DLG2: variants seen among roughly 807,000 people sequenced by gnomAD.
DLG2 encodes discs large MAGUK scaffold protein 2, also known as disks large homolog 2.
Under a neutral mutation model 132.5 loss-of-function variants are expected in DLG2, and 45 were observed. The ratio of observed to expected loss-of-function variants is 0.34; its 90% CI spans 0.27 to 0.44. DLG2 has a LOEUF of 0.44. Among genes scored for constraint, DLG2 ranks in the 20% least tolerant of loss-of-function variants. The pLI is 1.00. For missense variants in DLG2, 1,045 were observed against 1,196.9 expected (o/e 0.87, Z 1.87); for synonymous variants, 424 against 419.6 (o/e 1.01, Z -0.13).
chr11:84,111,914 T>A (rs1208939037), intron 9 of DLG2, among the ~76,000 whole-genome samples: 1 of 152,242 alleles, frequency 6.6e-6, no homozygotes, highest in Non-Finnish European at 1.5e-5. Context: ...TTCATCCTTT[T>A]ATTTCTATTT....
chr11:83,920,504 A>C (rs1000958660), intron 15 of DLG2, among the ~76,000 whole-genome samples: 1 of 152,096 alleles, frequency 6.6e-6, no homozygotes, highest in African/African-American at 2.4e-5. Context: ...CACTGGACTC[A>C]CTATTAAGTT....
chr11:84,418,319 T>G lies in DLG2; in HGVS notation c.519+116251A>C, dbSNP rs566606772. Among the ~76,000 whole-genome samples the G allele has an allele frequency of 5.3e-5, 8 of 152,290 alleles. No homozygotes were observed. In the South Asian group the frequency reaches 1.7e-3, roughly 32 times the overall value. On this transcript the variant is annotated intron_variant, in intron 7 of 27. Coordinates refer to ENST00000376104, the MANE Select transcript of DLG2 (RefSeq NM_001142699.3). ...ACACATAGGGGCTGAAAAGTCCCAA[T>G]GTGAAGTGACAGTGGAAAAGATGAT... is the stretch of plus-strand genomic sequence containing the variant.
intron 7 of DLG2, among the ~76,000 whole-genome samples, chr11:84,493,158 T>C (rs1028166851): frequency 6.6e-6 from 1 of 151,988 alleles, no homozygotes; most frequent in Admixed American, 6.6e-5. Flanking sequence ...CTTGGGGACA[T>C]GGTGTGATGG....
chr11:85,205,259 G>A (rs1302970065), intron 4 of DLG2, among the ~76,000 whole-genome samples: 1 of 151,288 alleles, frequency 6.6e-6, no homozygotes, highest in African/African-American at 2.4e-5. Context: ...GGAGGTCAGT[G>A]TGCTAAGTGA....
chr11:84,143,516 T>C (rs1008959429), intron 9 of DLG2, among the ~76,000 whole-genome samples: 1 of 152,218 alleles, frequency 6.6e-6, no homozygotes, highest in Admixed American at 6.5e-5. Context: ...AAACAGGTTT[T>C]AATGCCTATT....
chr11:84,648,096 C>G (rs574700812), intron 6 of DLG2, among the ~76,000 whole-genome samples: 1 of 152,164 alleles, frequency 6.6e-6, no homozygotes, highest in Non-Finnish European at 1.5e-5. Flanking sequence ...AGATTATGAA[C>G]AAGATCTTAC....
chr11:85,212,691 T>C (rs1403743297), intron 4 of DLG2, among the ~76,000 whole-genome samples: 4 of 152,118 alleles, frequency 2.6e-5, no homozygotes, highest in Non-Finnish European at 5.9e-5. Context: ...ACTATCTCCT[T>C]ATTTTCCCTC....
intron 8 of DLG2, among the ~76,000 whole-genome samples, chr11:84,181,315 T>C (rs1164666793): frequency 6.6e-6 from 1 of 151,826 alleles, no homozygotes; most frequent in Non-Finnish European, 1.5e-5. Flanking sequence ...GTAGTGCAAA[T>C]TCTATGGCAA....
intron 15 of DLG2, among the ~76,000 whole-genome samples, chr11:83,894,469 T>C (rs772076721): frequency 1.2e-4 from 19 of 152,208 alleles, no homozygotes; most frequent in Non-Finnish European, 2.4e-4. Context: ...AAGATTTTGT[T>C]TGCCCTAAAA....
intron 19 of DLG2, among the ~76,000 whole-genome samples, chr11:83,622,298 G>T (rs1380666122): frequency 1.3e-5 from 2 of 152,200 alleles, no homozygotes; most frequent in East Asian, 3.9e-4. Context: ...TATGTAGCAG[G>T]TCCTGGGCAA....
intron 6 of DLG2, among the ~76,000 whole-genome samples, chr11:84,743,576 A>T (rs1022812613): frequency 6.6e-6 from 1 of 152,194 alleles, no homozygotes; most frequent in African/African-American, 2.4e-5. Context: ...ACAAAGAGTC[A>T]TGTAAGCTGG....
chr11:85,524,540 T>A (rs2074591053), intron 3 of DLG2, among the ~76,000 whole-genome samples: 1 of 152,150 alleles, frequency 6.6e-6, no homozygotes, highest in South Asian at 2.1e-4. Flanking sequence ...TTGACCAGGG[T>A]GGAATGCAGT....
At chr11:85,124,448 A>T (rs1268937052) in intron 5 of DLG2, among the ~76,000 whole-genome samples, 2 of 152,210 alleles carry the variant, frequency 1.3e-5, no homozygotes, top group Admixed American at 6.5e-5. Context: ...CAAATATATA[A>T]ACTAATTTGA....
chr11:84,534,919 G>A (rs562724960), intron 6 of DLG2, 188 bp from the exon 7 acceptor site: 1 of 728,332 alleles, frequency 1.4e-6, no homozygotes, highest in East Asian at 2.5e-5. Context: ...GCAGAACTGA[G>A]TTAACCACGA....
chr11:84,952,797 T>C (rs1236159618), intron 6 of DLG2, among the ~76,000 whole-genome samples: 2 of 152,302 alleles, frequency 1.3e-5, no homozygotes, highest in Non-Finnish European at 2.9e-5. Context: ...ACATTGAGGG[T>C]TGTAAAATCT....
At chr11:85,403,626 T>TAA (rs1209876314) in intron 3 of DLG2, among the ~76,000 whole-genome samples, 1 of 151,934 alleles carries the variant, frequency 6.6e-6, no homozygotes, top group Non-Finnish European at 1.5e-5. Flanking sequence ...AGTCTAGTGT[T>TAA]TTGTGGGCAG....
chr11:84,416,490 A>G lies in DLG2; in HGVS notation c.519+118080T>C, dbSNP rs528358060. 4.0e-4 allele frequency among the ~76,000 whole-genome samples: 61 copies of G among 152,376 alleles called. 1 individual carries two copies. The South Asian group carries it at 0.012, about 30-fold the overall frequency. ...AGAGCATGAATTAGAATGAAAGTTC[A>G]CTGGGAGCAAGGATGCTCTGAATAA... On this transcript the variant is annotated intron_variant, in intron 7 of 27. Transcript: ENST00000376104.
At chr11:83,686,582 T>G (rs868293719) in intron 18 of DLG2, among the ~76,000 whole-genome samples, 2 of 147,738 alleles carry the variant, frequency 1.4e-5, no homozygotes. Context: ...ATGAATGTTA[T>G]ATGTAATATG....
At chr11:84,865,849 CTGAT>C (rs1464592907) in intron 6 of DLG2, among the ~76,000 whole-genome samples, 63 of 152,310 alleles carry the variant, frequency 4.1e-4, no homozygotes, top group African/African-American at 1.4e-3. Context: ...AAACCCAAGA[CTGAT>C]TGCTCAGAAT....
Sources: gnomAD v4.1 joint callset for allele counts (sites outside exome capture counted in the v4.1 genomes callset) on GRCh38, gnomAD v4.1.1 for gene constraint, MANE v1.5 for transcripts, NCBI Gene and HGNC (gene_info 2026-07-23, HGNC 2026-07-21) for gene names.